The following SAG variants were observed in gnomAD, a reference collection of about 807,000 sequenced individuals.
SAG encodes the protein S-arrestin.
A neutral mutation model predicts 55.0 loss-of-function variants in SAG; 45 were observed. The observed-to-expected ratio is 0.82, with a 90% confidence interval of 0.64 to 1.05. The LOEUF (loss-of-function observed/expected upper bound fraction) is 1.05, where lower values mean the gene tolerates loss of function less well. Ranked by LOEUF, SAG falls within the 50% of genes least tolerant of loss-of-function variation. The pLI, the probability that SAG is intolerant of heterozygous loss-of-function variation, is 0.00. For missense variants in SAG, 455 were observed against 512.1 expected, an observed-to-expected ratio of 0.89 and a Z score of 1.08; for synonymous variants, 189 against 197.4, an observed-to-expected ratio of 0.96 and a Z score of 0.36.
chr2:233,314,904 C>T (rs1700176170), intron 2 of SAG, among the ~76,000 whole-genome samples: 2 of 152,126 alleles, frequency 1.3e-5, no homozygotes, highest in Non-Finnish European at 2.9e-5. Flanking sequence ...GGGGGCCAGC[C>T]AAGGGGGCCA....
In SAG at chr2:233,327,141, G is replaced by A. The variant is rs780590192; in HGVS notation, c.456G>A (p.Glu152=). The part of the protein sequence containing the change: ...DSGKSCGVDF[E]VKAFATDSTD... ...AACAGTCCTGTGGGGTTGACTTTGA[G>A]GTCAAAGCATTCGCCACAGACAGCA... The change falls in exon 7 of 16, where the codon GAG becomes GAA. Residue 152 remains glutamate, a synonymous_variant. Coordinates refer to ENST00000409110, the MANE Select transcript of SAG (RefSeq NM_000541.5). The A allele has an allele frequency of 3.1e-6, 5 of 1,613,768 alleles. No individual in the cohort carries two copies. The highest frequency in any genetic ancestry group is 3.4e-6 in the Non-Finnish European group (4 of 1,179,788).
At position 233,342,311 on chromosome 2, in the gene SAG, C is replaced by T; in HGVS notation, c.1087C>T (p.Gln363Ter). 6.2e-7 allele frequency: 1 copy of T among 1,608,314 alleles called. No individual in the cohort carries two copies. The highest frequency in any genetic ancestry group is 8.5e-7 in the Non-Finnish European group (1 of 1,176,850). Residue 363 changes from glutamine to a stop codon, truncating the protein, a stop_gained, in exon 14 of 16, where the codon CAG (glutamine) becomes TAG (stop). Transcript: ENST00000409110. LOFTEE classifies it high-confidence loss of function. ...GGTCCCATTCCGCCTCATGCACCCT[C>T]AGCCTGAGGACCCAGGTCAGTTATG... ...TEVPFRLMHP[Q>*]PEDPAKESYQ...
intron 11 of SAG, among the ~76,000 whole-genome samples, chr2:233,335,902 G>A (rs986901827): frequency 6.6e-6 from 1 of 152,324 alleles, no homozygotes; most frequent in Admixed American, 6.5e-5. Context: ...GACCACCTCC[G>A]AGGTGATGCC....
intron 2 of SAG, among the ~76,000 whole-genome samples, chr2:233,314,695 G>A (rs796979229): frequency 1.4e-4 from 21 of 152,294 alleles, no homozygotes; most frequent in East Asian, 3.9e-4. Context: ...GGTTTCCTAC[G>A]GAATCTTCTC....
chr2:233,326,909 C>T (rs1415712329), intron 6 of SAG, among the ~76,000 whole-genome samples: 1 of 152,210 alleles, frequency 6.6e-6, no homozygotes, highest in South Asian at 2.1e-4. Flanking sequence ...CCTCTGGGGG[C>T]TTTGGGCCCA....
Position 233,307,885 on chromosome 2 carries a change from A to C in SAG, c.-166A>C, listed in dbSNP as rs1190051555. 1 of 152,432 alleles carries C rather than the reference A, an allele frequency of 6.6e-6. No homozygotes were observed. Among genetic ancestry groups the C allele is most frequent in the Admixed American group, 6.5e-5 (1 of 15,278 alleles). 9.4% of individuals were successfully genotyped at this position (152,432 alleles called of 1,614,324 possible). A position where few individuals can be genotyped will look rare whatever the true frequency, so the allele number is the denominator to read the frequency against. On this transcript the variant is annotated 5_prime_UTR_variant, in exon 1 of 16. Transcript: ENST00000409110. ...CCCACATACGTAGGCCAGGAGCCTCAGCGGTGCCCCTTCAGGCTCATCTGG... is the reference window on the plus strand; with the variant it reads ...CCCACATACGTAGGCCAGGAGCCTCCGCGGTGCCCCTTCAGGCTCATCTGG...
intron 3 of SAG, 67 bp downstream of exon 3, chr2:233,316,202 G>A: frequency 1.0e-6 from 1 of 952,634 alleles, no homozygotes; most frequent in Middle Eastern, 2.1e-4. Context: ...CTCACTTTGT[G>A]TTTTTAAAAA....
chr2:233,316,004 GCTGGTTTTTATCATGGATGC>G lies in SAG; in HGVS notation c.76-68_76-49del, dbSNP rs145040803. On this transcript the variant is annotated intron_variant, in intron 2 of 15. Transcript: ENST00000409110. ...TGTGAGCCACCGCGCCCGGGCTGCT[GCTGGTTTTTATCATGGATGC>G]CTTAGCTTAGCATTCTTTGGCCCTT... 2,378 of 937,056 alleles carry G rather than the reference GCTGGTTTTTATCATGGATGC, an allele frequency of 2.5e-3. 35 individuals carry two copies. In the African/African-American group the frequency reaches 0.034, roughly 13 times the overall value. 58.0% of individuals were successfully genotyped at this position (937,056 alleles called of 1,614,324 possible).
At chr2:233,321,984 AATACACACACACAC>A in intron 5 of SAG, among the ~76,000 whole-genome samples, 1 of 101,238 alleles carries the variant, frequency 9.9e-6, no homozygotes. Flanking sequence ...CTCTACTAAA[AATACACACACACAC>A]ACACACACAC....
intron 2 of SAG, among the ~76,000 whole-genome samples, chr2:233,311,709 C>T (rs1700079253): frequency 6.6e-6 from 1 of 152,176 alleles, no homozygotes; most frequent in Non-Finnish European, 1.5e-5. Flanking sequence ...AGTTTGCTCC[C>T]ATCTGAGGTT....
Position 233,319,511 on chromosome 2 carries a change from G to C in SAG, c.181+716G>C. 1.2e-6 allele frequency: 1 copy of C among 843,386 alleles called. No homozygotes were observed. Among genetic ancestry groups the C allele is most frequent in the Non-Finnish European group, 1.4e-6 (1 of 698,210 alleles). 52.2% of individuals were successfully genotyped at this position (843,386 alleles called of 1,614,324 possible). A position where few individuals can be genotyped will look rare whatever the true frequency, so the allele number is the denominator to read the frequency against. ...TTCTAAATATGCCTTTTTGAGTGTTGCTACTGGCAACATCAAGGAATTGTT... is the reference window on the plus strand; with the variant it reads ...TTCTAAATATGCCTTTTTGAGTGTTCCTACTGGCAACATCAAGGAATTGTT... On this transcript the variant is annotated intron_variant, in intron 4 of 15. Transcript: ENST00000409110. This position sits in a 1 kb window ranked among gnomAD's most constrained non-coding sequence, Gnocchi z 4.4.
intron 10 of SAG, chr2:233,333,037 C>G (rs551094467): frequency 6.6e-6 from 1 of 152,414 alleles, no homozygotes; most frequent in South Asian, 2.1e-4. Context: ...CTCAGGTGAT[C>G]TGCTTGCCTC....
At chr2:233,346,164 TAATAA>T (rs71058547) in intron 14 of SAG, 3 of 203,946 alleles carry the variant, frequency 1.5e-5, no homozygotes, top group African/African-American at 6.9e-5. Flanking sequence ...TAAAATAAAA[TAATAA>T]AATAAAATAT....
chr2:233,329,281 C>G (rs928641666), intron 8 of SAG: 1 of 523,586 alleles, frequency 1.9e-6, no homozygotes, highest in Non-Finnish European at 3.4e-6. Flanking sequence ...ATGTGATGAT[C>G]GGAACTCTGT....
chr2:233,329,580 AGGACCTT>A lies in SAG; in HGVS notation c.733+4_733+10del. The stretch of plus-strand genomic sequence containing the variant: ...CGTGAAGAAGATTAAAGCATTCGGT[AGGACCTT>A]CTTCTCAGAAGTAGAGGGCATAGTC... On this transcript the variant is annotated splice_donor_5th_base_variant and intron_variant, in intron 9 of 15. Transcript: ENST00000409110. 1 of 1,595,060 alleles carries A rather than the reference AGGACCTT, an allele frequency of 6.3e-7. No homozygotes were observed. The highest frequency in any genetic ancestry group is 8.6e-7 in the Non-Finnish European group (1 of 1,162,816).
intron 9 of SAG, among the ~76,000 whole-genome samples, chr2:233,330,362 G>A (rs1407236758): frequency 1.3e-5 from 2 of 152,204 alleles, no homozygotes; most frequent in African/African-American, 4.8e-5. Flanking sequence ...GGGCAAGCCA[G>A]GGTGAGCAGT....
chr2:233,340,476 C>T lies in SAG; in HGVS notation c.1044C>T (p.Ser348=). 1 of 1,610,148 alleles carries T rather than the reference C, an allele frequency of 6.2e-7. No homozygotes were observed. Among genetic ancestry groups the T allele is most frequent in the Non-Finnish European group, 8.5e-7 (1 of 1,177,724 alleles). ...CTAGCTTTCTGGGAGAGCTCACCTC[C>T]AGGTAAGCCTGTTCACCTTCCTTGT... is the stretch of plus-strand genomic sequence containing the variant. The part of the protein sequence containing the change: ...TVSGFLGELT[S]SEVATEVPFR... The change falls in exon 13 of 16, where the codon TCC becomes TCT. Residue 348 remains serine (S), a splice_region_variant and synonymous_variant. Coordinates refer to ENST00000409110, the MANE Select transcript of SAG (RefSeq NM_000541.5). This position sits in a 1 kb window ranked among gnomAD's most constrained non-coding sequence, Gnocchi z 4.2.
At chr2:233,313,372 G>A (rs1700129163) in intron 2 of SAG, among the ~76,000 whole-genome samples, 2 of 152,230 alleles carry the variant, frequency 1.3e-5, no homozygotes, top group Admixed American at 1.3e-4. Flanking sequence ...TAGAGAGGAT[G>A]CTCTCAGGGT....
intron 6 of SAG, among the ~76,000 whole-genome samples, chr2:233,323,593 C>A (rs1205719080): frequency 6.6e-6 from 1 of 152,048 alleles, no homozygotes; most frequent in Non-Finnish European, 1.5e-5. Flanking sequence ...GAACTCCCGA[C>A]CTCAGGTGAT....
Sources: allele counts gnomAD v4.1 joint callset (sites outside exome capture counted in the v4.1 genomes callset), GRCh38; gene constraint gnomAD v4.1.1; non-coding constraint Gnocchi (gnomAD v3.1); transcripts MANE v1.5; gene names NCBI Gene and HGNC (gene_info 2026-07-23, HGNC 2026-07-21).